The following ENTREP2 variants were observed in gnomAD, a reference collection of about 807,000 sequenced individuals.
The protein encoded by ENTREP2 is endosomal transmembrane epsin interactor 2, also known as protein ENTREP2.
At chr15:29,300,701 C>A in the ENTREP2 span, among the ~76,000 whole-genome samples, 3 of 152,120 alleles carry the variant, frequency 2.0e-5, no homozygotes, top group African/African-American at 7.2e-5. Context: ...CGGGTTCACA[C>A]CATTCTCCTG....
the ENTREP2 span, among the ~76,000 whole-genome samples, chr15:29,487,615 C>T: frequency 6.6e-6 from 1 of 152,222 alleles, no homozygotes; most frequent in Non-Finnish European, 1.5e-5. Flanking sequence ...CAGTCTATAG[C>T]AAGCAACAAC....
At chr15:29,444,033 G>A in the ENTREP2 span, among the ~76,000 whole-genome samples, 1 of 152,142 alleles carries the variant, frequency 6.6e-6, no homozygotes, top group African/African-American at 2.4e-5. Context: ...GAACCTGGGA[G>A]GTGGAGCTTG....
At chr15:29,140,281 G>A in the ENTREP2 span, among the ~76,000 whole-genome samples, 2 of 152,164 alleles carry the variant, frequency 1.3e-5, no homozygotes, top group African/African-American at 2.4e-5. Flanking sequence ...CACACAGCGG[G>A]TACTCAGTAA....
the ENTREP2 span, chr15:29,234,564 G>A: frequency 1.5e-5 from 22 of 1,433,336 alleles, no homozygotes; most frequent in African/African-American, 5.6e-5. Flanking sequence ...GTGGCAGCAC[G>A]TCGACAGCTA....
chr15:29,566,846 TACACACACAC>T, the ENTREP2 span, among the ~76,000 whole-genome samples: 11 of 146,174 alleles, frequency 7.5e-5, no homozygotes, highest in East Asian at 4.1e-4. Context: ...AAAGGAAAAA[TACACACACAC>T]ACACACACAC....
At chr15:29,356,695 G>GA in the ENTREP2 span, among the ~76,000 whole-genome samples, 5 of 152,102 alleles carry the variant, frequency 3.3e-5, no homozygotes, top group East Asian at 1.9e-4. Context: ...GTCCTCTGCA[G>GA]AAAAAATCTT....
chr15:29,257,737 T>C, the ENTREP2 span, among the ~76,000 whole-genome samples: 3 of 152,216 alleles, frequency 2.0e-5, no homozygotes, highest in Non-Finnish European at 4.4e-5. Context: ...CTATAATGTA[T>C]ACCCCTCAGC....
chr15:29,291,637 T>C, the ENTREP2 span, among the ~76,000 whole-genome samples: 2 of 152,190 alleles, frequency 1.3e-5, no homozygotes, highest in African/African-American at 4.8e-5. Flanking sequence ...AACCACACAA[T>C]GATACACTTC....
At chr15:29,671,072 T>C in the ENTREP2 span, among the ~76,000 whole-genome samples, 2 of 152,132 alleles carry the variant, frequency 1.3e-5, no homozygotes, top group African/African-American at 2.4e-5. Flanking sequence ...TAATCACCAG[T>C]GGTCAATGAT....
At chr15:29,125,569 C>T in the ENTREP2 span, among the ~76,000 whole-genome samples, 1 of 152,204 alleles carries the variant, frequency 6.6e-6, no homozygotes, top group South Asian at 2.1e-4. Context: ...GGTTCCTGCA[C>T]TTCCACTTCA....
the ENTREP2 span, among the ~76,000 whole-genome samples, chr15:29,493,091 C>T: frequency 1.4e-5 from 2 of 141,716 alleles, no homozygotes; most frequent in African/African-American, 2.6e-5. Flanking sequence ...ATTAGTAATT[C>T]AATAATAGTA....
At chr15:29,455,478 T>C in the ENTREP2 span, among the ~76,000 whole-genome samples, 6 of 152,236 alleles carry the variant, frequency 3.9e-5, no homozygotes, top group African/African-American at 1.2e-4. Context: ...AGTTACATGA[T>C]CATACATATT....
the ENTREP2 span, among the ~76,000 whole-genome samples, chr15:29,363,424 A>G: frequency 6.6e-6 from 1 of 152,350 alleles, no homozygotes; most frequent in East Asian, 1.9e-4. Flanking sequence ...CAAACAGATG[A>G]CTTTGTAGTG....
chr15:29,234,980 C>T, the ENTREP2 span: 2,892 of 1,429,440 alleles, frequency 2.0e-3, 3 homozygotes, highest in Non-Finnish European at 2.5e-3. Flanking sequence ...TGTATTAACA[C>T]AGCCATCATG....
the ENTREP2 span, among the ~76,000 whole-genome samples, chr15:29,257,176 C>A: frequency 6.6e-6 from 1 of 151,930 alleles, no homozygotes; most frequent in Non-Finnish European, 1.5e-5. Flanking sequence ...CAGGTTCAAG[C>A]GATTCTCCTG....
the ENTREP2 span, among the ~76,000 whole-genome samples, chr15:29,248,556 A>G: frequency 4.6e-5 from 7 of 152,288 alleles, no homozygotes; most frequent in African/African-American, 9.6e-5. Flanking sequence ...AAGAAAATAA[A>G]ATATAAATGG....
At chr15:29,592,953 A>G in the ENTREP2 span, among the ~76,000 whole-genome samples, 3 of 152,294 alleles carry the variant, frequency 2.0e-5, no homozygotes, top group Admixed American at 6.5e-5. Flanking sequence ...GGCCCTTACC[A>G]GAAGCAGATG....
chr15:29,424,096 T>C, the ENTREP2 span, among the ~76,000 whole-genome samples: 1 of 152,104 alleles, frequency 6.6e-6, no homozygotes. Flanking sequence ...TTCCCACGGG[T>C]TTGTGCTCTC....
chr15:29,192,686 A>G, the ENTREP2 span, among the ~76,000 whole-genome samples: 1 of 152,340 alleles, frequency 6.6e-6, no homozygotes, highest in Non-Finnish European at 1.5e-5. Context: ...TGCAAATACT[A>G]GGAATTAAAA....
Sources: gnomAD v4.1 joint callset for allele counts (sites outside exome capture counted in the v4.1 genomes callset) on GRCh38, gnomAD v4.1.1 for gene constraint, MANE v1.5 for transcripts, NCBI Gene and HGNC (gene_info 2026-07-23, HGNC 2026-07-21) for gene names.